Variants in RARRES1 observed in about 807,000 individuals in gnomAD.
RARRES1 encodes retinoic acid receptor responder 1.
In RARRES1, 34 loss-of-function variants were observed where a neutral mutation model predicts 30.6. The ratio of observed to expected loss-of-function variants is 1.11; its 90% CI spans 0.84 to 1.48. RARRES1 has a LOEUF of 1.48. RARRES1 is among the 40% of genes most tolerant of loss of function. RARRES1 has a pLI of 0.00. For synonymous variants in RARRES1, 153 were observed against 155.5 expected (o/e 0.98, Z 0.12); for missense variants, 373 against 386.5 (o/e 0.97, Z 0.29).
At chr3:158,708,105 C>T (rs1013451271) in intron 3 of RARRES1, among the ~76,000 whole-genome samples, 1 of 152,110 alleles carries the variant, frequency 6.6e-6, no homozygotes. Context: ...TTCCTCATTG[C>T]TATGAGCAGC....
At chr3:158,728,857 C>T (rs1057436865) in intron 1 of RARRES1, among the ~76,000 whole-genome samples, 1 of 152,076 alleles carries the variant, frequency 6.6e-6, no homozygotes, top group Non-Finnish European at 1.5e-5. Flanking sequence ...TATGACTGCT[C>T]TTATAATGGA....
chr3:158,704,118 T>C (rs1726827799), intron 4 of RARRES1, among the ~76,000 whole-genome samples: 1 of 151,848 alleles, frequency 6.6e-6, no homozygotes, highest in African/African-American at 2.4e-5. Flanking sequence ...GAGCAAATAC[T>C]GTCAATCTGC....
intron 4 of RARRES1, among the ~76,000 whole-genome samples, chr3:158,702,678 T>G (rs972253642): frequency 6.6e-6 from 1 of 152,222 alleles, no homozygotes; most frequent in South Asian, 2.1e-4. Flanking sequence ...CCCCTAACTT[T>G]AAAATCAGGT....
At chr3:158,699,617 C>T (rs919649971) in intron 4 of RARRES1, among the ~76,000 whole-genome samples, 3 of 151,988 alleles carry the variant, frequency 2.0e-5, no homozygotes, top group African/African-American at 7.3e-5. Flanking sequence ...TTCAGAAATG[C>T]CTGAAGGAAA....
At chr3:158,719,893 T>C (rs1727445386) in intron 1 of RARRES1, among the ~76,000 whole-genome samples, 1 of 152,206 alleles carries the variant, frequency 6.6e-6, no homozygotes, top group Non-Finnish European at 1.5e-5. Flanking sequence ...ATATTAAGCA[T>C]TCATTCAGTG....
intron 1 of RARRES1, among the ~76,000 whole-genome samples, chr3:158,725,760 T>TA (rs1373005008): frequency 6.6e-6 from 1 of 152,212 alleles, no homozygotes; most frequent in Non-Finnish European, 1.5e-5. Flanking sequence ...GTCAAAGCTT[T>TA]AACCCCGGGA....
Position 158,730,311 on chromosome 3 carries a change from C to T in RARRES1, c.276+1829G>A, listed in dbSNP as rs113386142. 1.1e-3 allele frequency among the ~76,000 whole-genome samples: 146 copies of T among 127,190 alleles called. 1 individual carries two copies. The highest frequency in any genetic ancestry group is 2.5e-3 in the Admixed American group (31 of 12,462). 83.4% of individuals were successfully genotyped at this position (127,190 alleles called of 152,430 possible). A position where few individuals can be genotyped will look rare whatever the true frequency, so the allele number is the denominator to read the frequency against. ...CTCCAGCCTGGGCAACAGAGCAAGACTCTGTCTCAAAAAAAAAAAAAAAAA... is the reference window on the plus strand; with the variant it reads ...CTCCAGCCTGGGCAACAGAGCAAGATTCTGTCTCAAAAAAAAAAAAAAAAA... On this transcript the variant is annotated intron_variant, in intron 1 of 5. Coordinates refer to ENST00000237696, the MANE Select transcript of RARRES1 (RefSeq NM_206963.2).
intron 3 of RARRES1, among the ~76,000 whole-genome samples, chr3:158,707,130 C>T (rs1385995899): frequency 6.6e-6 from 1 of 152,090 alleles, no homozygotes; most frequent in Non-Finnish European, 1.5e-5. Context: ...GATTGCACCA[C>T]CACACACTGG....
At chr3:158,711,539 A>G (rs908310123) in intron 2 of RARRES1, among the ~76,000 whole-genome samples, 1 of 151,302 alleles carries the variant, frequency 6.6e-6, no homozygotes, top group South Asian at 2.1e-4. Context: ...GGGGGCACTG[A>G]TCCACTGATC....
chr3:158,710,945 A>T lies in RARRES1; in HGVS notation c.340-12T>A. 1.2e-6 allele frequency: 2 copies of T among 1,608,964 alleles called. No homozygotes were observed. The highest frequency in any genetic ancestry group is 1.7e-6 in the Non-Finnish European group (2 of 1,175,850). ...TCCTGAAGTAAAGACTGTGGAGTTA[A>T]ACAGGATACTTTATCACCTCCCACT... On this transcript the variant is annotated splice_polypyrimidine_tract_variant and intron_variant, in intron 2 of 5. Transcript: ENST00000237696.
chr3:158,730,886 C>T (rs1576827216), intron 1 of RARRES1, among the ~76,000 whole-genome samples: 1 of 152,176 alleles, frequency 6.6e-6, no homozygotes, highest in Non-Finnish European at 1.5e-5. Context: ...CAAGTTCAAG[C>T]GATTCTCCTG....
intron 4 of RARRES1, among the ~76,000 whole-genome samples, chr3:158,704,331 A>G (rs1726840252): frequency 6.7e-6 from 1 of 148,884 alleles, no homozygotes; most frequent in South Asian, 2.1e-4. Context: ...CTCCTGGATC[A>G]AGCAATCCTC....
At chr3:158,717,979 C>T (rs1052609654) in intron 1 of RARRES1, among the ~76,000 whole-genome samples, 12 of 116,818 alleles carry the variant, frequency 1.0e-4, no homozygotes, top group African/African-American at 4.0e-4. Context: ...TATATTAAGA[C>T]AATTTTTTTT....
At chr3:158,716,784 G>A (rs923646506) in intron 1 of RARRES1, among the ~76,000 whole-genome samples, 7 of 152,006 alleles carry the variant, frequency 4.6e-5, no homozygotes, top group African/African-American at 1.2e-4. Context: ...GGTTTTCACC[G>A]TGTTGCCCAG....
At chr3:158,731,990 C>T in intron 1 of RARRES1, 150 bp downstream of exon 1, 1 of 817,988 alleles carries the variant, frequency 1.2e-6, no homozygotes, top group Non-Finnish European at 1.7e-6. Flanking sequence ...GGGCGCCAGG[C>T]CCAGCTGGGA....
chr3:158,704,826 A>G lies in RARRES1; in HGVS notation c.637T>C (p.Tyr213His). The stretch of plus-strand genomic sequence containing the variant: ...ACACTAGTGAGCTGTGCCAAGTAGT[A>G]GTGTGACACCTGTGTTGTCATTTCC... The part of the protein sequence containing the change: ...MWEMTTQVSH[Y>H]YLAQLTSVRQ... Residue 213 changes from tyrosine to histidine, a missense_variant, in exon 4 of 6, where the codon TAC becomes CAC. By Grantham distance (83) the Tyr-to-His change is moderately conservative. Transcript: ENST00000237696. The G allele has an allele frequency of 1.2e-6, 2 of 1,614,098 alleles. No homozygotes were observed. The highest frequency in any genetic ancestry group is 1.1e-5 in the South Asian group (1 of 91,066).
At chr3:158,711,446 G>A (rs1412902976) in intron 2 of RARRES1, among the ~76,000 whole-genome samples, 1 of 152,030 alleles carries the variant, frequency 6.6e-6, no homozygotes, top group Non-Finnish European at 1.5e-5. Context: ...ATAAGCCAGG[G>A]CTTGACCTCA....
intron 2 of RARRES1, among the ~76,000 whole-genome samples, chr3:158,711,969 C>G (rs1727150466): frequency 6.6e-6 from 1 of 152,192 alleles, no homozygotes; most frequent in Admixed American, 6.5e-5. Flanking sequence ...ACATCTGGAG[C>G]TTCAACTAGA....
At chr3:158,731,451 C>G (rs909800027) in intron 1 of RARRES1, among the ~76,000 whole-genome samples, 12 of 152,196 alleles carry the variant, frequency 7.9e-5, no homozygotes, top group African/African-American at 2.4e-4. Flanking sequence ...GAGACAATTC[C>G]TACAGTCAAT....
Sources: allele counts gnomAD v4.1 joint callset (sites outside exome capture counted in the v4.1 genomes callset), GRCh38; gene constraint gnomAD v4.1.1; transcripts MANE v1.5; gene names NCBI Gene and HGNC (gene_info 2026-07-23, HGNC 2026-07-21).